PTPRS: variants seen among roughly 807,000 people sequenced by gnomAD.
PTPRS encodes receptor-type tyrosine-protein phosphatase S.
In PTPRS, 63 loss-of-function variants were observed where a neutral mutation model predicts 215.3. That is an observed-to-expected ratio of 0.29 (90% CI 0.24 to 0.36). The LOEUF (loss-of-function observed/expected upper bound fraction) is 0.36. Among genes scored for constraint, PTPRS ranks in the 10% least tolerant of loss-of-function variants. The pLI is 1.00. For missense variants in PTPRS, 2,258 were observed against 2,825.8 expected (o/e 0.80, Z 4.56); for synonymous variants, 1,404 against 1,191.4 (o/e 1.18, Z -3.68).
intron 2 of PTPRS, 77 bp from the exon 3 acceptor site, chr19:5,274,421 C>T (rs2047182780): frequency 6.8e-7 from 1 of 1,478,310 alleles, no homozygotes; most frequent in African/African-American, 1.4e-5. Context: ...GCCACGAAAA[C>T]CTGCATTCCA....
intron 1 of PTPRS, among the ~76,000 whole-genome samples, chr19:5,318,099 A>T (rs2147197504): frequency 6.6e-6 from 1 of 151,744 alleles, no homozygotes; most frequent in South Asian, 2.1e-4. Flanking sequence ...TGAACCTAGG[A>T]GGTGGAGGTT....
At chr19:5,208,823 C>T (rs2040606604) in intron 35 of PTPRS, among the ~76,000 whole-genome samples, 1 of 152,132 alleles carries the variant, frequency 6.6e-6, no homozygotes, top group Non-Finnish European at 1.5e-5. Flanking sequence ...CCTCCATCCT[C>T]CATCCTTTGC....
intron 1 of PTPRS, among the ~76,000 whole-genome samples, chr19:5,323,638 G>T (rs2050091619): frequency 1.3e-5 from 2 of 152,266 alleles, no homozygotes; most frequent in African/African-American, 2.4e-5. Flanking sequence ...GGCCCGTGTG[G>T]CTGGAACAGA....
intron 13 of PTPRS, among the ~76,000 whole-genome samples, chr19:5,238,295 C>T (rs1056588340): frequency 6.6e-6 from 1 of 152,126 alleles, no homozygotes; most frequent in African/African-American, 2.4e-5. Flanking sequence ...CGGGCCGGCA[C>T]AGCAGAGAAC....
intron 18 of PTPRS, 35 bp downstream of exon 18, chr19:5,222,654 G>A (rs943690028): frequency 2.0e-6 from 3 of 1,498,672 alleles, no homozygotes; most frequent in Non-Finnish European, 2.7e-6. Context: ...GCAAGGCCCG[G>A]TCCGGCTCTG....
intron 18 of PTPRS, 45 bp downstream of exon 18, chr19:5,222,644 G>C: frequency 6.8e-7 from 1 of 1,463,954 alleles, no homozygotes; most frequent in Non-Finnish European, 9.0e-7. Context: ...GGGGGTGGGC[G>C]CAAGGCCCGG....
At chr19:5,302,397 C>G (rs768396346) in intron 1 of PTPRS, among the ~76,000 whole-genome samples, 3 of 152,116 alleles carry the variant, frequency 2.0e-5, no homozygotes, top group Non-Finnish European at 4.4e-5. Context: ...TGTCTCCCGT[C>G]TTTTCCTTAA....
rs117378260 is a variant in PTPRS at position 5,338,794 on chromosome 19, G to C, written c.-95+1870C>G. On this transcript the variant is annotated intron_variant, in intron 1 of 37. Coordinates refer to ENST00000262963, the MANE Select transcript of PTPRS (RefSeq NM_002850.4). The surrounding 1 kb of genome is among the most constrained non-coding windows in gnomAD (Gnocchi z 4.2). ...ATTAATAAACGCTCCAGCAGCTGCC[G>C]CTGGTATCGCAGGAGCAGAGGAGCG... Among the ~76,000 whole-genome samples, 82 of 152,296 alleles carry C rather than the reference G, an allele frequency of 5.4e-4. No individual in the cohort carries two copies. In the East Asian group the frequency reaches 0.015, roughly 29 times the overall value.
chr19:5,283,576 CA>C (rs143872694), intron 2 of PTPRS, among the ~76,000 whole-genome samples: 4 of 143,226 alleles, frequency 2.8e-5, no homozygotes, highest in African/African-American at 5.2e-5. Flanking sequence ...GACTCCGTCT[CA>C]AAAAAAAAAC....
In PTPRS at chr19:5,206,306, ATACAGT is replaced by A; in HGVS notation, c.*462_*467del. On this transcript the variant is annotated 3_prime_UTR_variant, in exon 38 of 38. Coordinates refer to ENST00000262963, the MANE Select transcript of PTPRS (RefSeq NM_002850.4). ...TTTAAAAAAAATGAAATGTCACGGG[ATACAGT>A]TACACTGAGAGTTTTAAAAGAAAGC... The A allele has an allele frequency of 4.4e-6, 1 of 229,780 alleles. No individual in the cohort carries two copies. Among genetic ancestry groups the A allele is most frequent in the East Asian group, 6.2e-5 (1 of 16,142 alleles). The allele number at this position is 229,780 out of a possible 1,614,324, so 14.2% of individuals were successfully genotyped here. A position where few individuals can be genotyped will look rare whatever the true frequency, so the allele number is the denominator to read the frequency against.
intron 11 of PTPRS, among the ~76,000 whole-genome samples, chr19:5,241,940 A>T (rs2044074580): frequency 6.6e-6 from 1 of 152,166 alleles, no homozygotes; most frequent in Non-Finnish European, 1.5e-5. Flanking sequence ...GGTCCAAGTG[A>T]TTCACCTGCC....
intron 16 of PTPRS, among the ~76,000 whole-genome samples, chr19:5,227,541 A>C (rs1448393124): frequency 6.6e-6 from 1 of 151,854 alleles, no homozygotes; most frequent in Non-Finnish European, 1.5e-5. Flanking sequence ...CAGCCTCCCG[A>C]GTAGCTAGGA....
chr19:5,211,568 G>A, intron 33 of PTPRS, 22 bp downstream of exon 33: 1 of 1,594,714 alleles, frequency 6.3e-7, no homozygotes, highest in Non-Finnish European at 8.6e-7. Flanking sequence ...GGGCCCTGAG[G>A]TGGGAAAGGC....
chr19:5,218,321 A>C (rs1190720165), intron 25 of PTPRS, 99 bp downstream of exon 25: 9 of 949,136 alleles, frequency 9.5e-6, no homozygotes, highest in Non-Finnish European at 1.5e-5. Flanking sequence ...AGCATAGTTC[A>C]GAGGGGGCCA....
At chr19:5,282,133 G>C (rs1249465288) in intron 2 of PTPRS, among the ~76,000 whole-genome samples, 3 of 152,066 alleles carry the variant, frequency 2.0e-5, no homozygotes, top group Non-Finnish European at 4.4e-5. Context: ...CTTCTTCTCG[G>C]TGTGTGGTGA....
intron 1 of PTPRS, among the ~76,000 whole-genome samples, chr19:5,289,544 C>A (rs1232545572): frequency 6.6e-6 from 1 of 152,200 alleles, no homozygotes; most frequent in African/African-American, 2.4e-5. Context: ...CCACCAGGTC[C>A]TGCACGACCT....
rs566420772 is a variant in PTPRS, at chr19:5,222,359, C to A, written c.3104-139G>T. ...CGCTGTGCCCATGCCCACGGCCTTC[C>A]TGCCTGGCCCTGGCCCGGCCCTGCC... On this transcript the variant is annotated intron_variant, in intron 18 of 37. Coordinates refer to ENST00000262963, the MANE Select transcript of PTPRS (RefSeq NM_002850.4). 4.0e-6 allele frequency: 3 copies of A among 748,044 alleles called. No individual in the cohort carries two copies. The South Asian group carries it at 4.9e-5, about 12-fold the overall frequency. The allele number at this position is 748,044 out of a possible 1,614,324, so 46.3% of individuals were successfully genotyped here. A position where few individuals can be genotyped will look rare whatever the true frequency, so the allele number is the denominator to read the frequency against.
intron 16 of PTPRS, among the ~76,000 whole-genome samples, chr19:5,228,415 G>A (rs992328502): frequency 2.0e-5 from 3 of 148,642 alleles, no homozygotes; most frequent in Non-Finnish European, 3.0e-5. Context: ...GTGCCATTTT[G>A]GCTCACTGCA....
rs181522840 is a variant in PTPRS at position 5,276,038 on chromosome 19, G to C, written c.92-1694C>G. Among the ~76,000 whole-genome samples, 173 of 152,288 alleles carry C rather than the reference G, an allele frequency of 1.1e-3. 2 individuals carry two copies. Among genetic ancestry groups the C allele is most frequent in the African/African-American group, 3.9e-3 (163 of 41,572 alleles). ...GCTCTGCCATCCCCATTTTACATGT[G>C]AGGAAACTGAGACACAAACCAGGCA... is the stretch of plus-strand genomic sequence containing the variant. On this transcript the variant is annotated intron_variant, in intron 2 of 37. Coordinates refer to ENST00000262963, the MANE Select transcript of PTPRS (RefSeq NM_002850.4).
Sources: gnomAD v4.1 joint callset for allele counts (sites outside exome capture counted in the v4.1 genomes callset) on GRCh38, gnomAD v4.1.1 for gene constraint, Gnocchi (gnomAD v3.1) non-coding constraint, MANE v1.5 for transcripts, NCBI Gene and HGNC (gene_info 2026-07-23, HGNC 2026-07-21) for gene names.